The following SGCZ variants were observed in gnomAD, a reference collection of about 807,000 sequenced individuals.
The protein encoded by SGCZ is sarcoglycan zeta.
SGCZ carries 40 observed loss-of-function variants against 41.3 expected under a neutral mutation model. The observed-to-expected ratio is 0.97, with a 90% confidence interval of 0.75 to 1.26. SGCZ has a LOEUF of 1.26. Ranked by LOEUF, SGCZ falls within the 50% of genes most tolerant of loss-of-function variation. The pLI is 0.00. For missense variants in SGCZ, 552 were observed against 369.8 expected (o/e 1.49, Z -4.04); for synonymous variants, 206 against 137.5 (o/e 1.50, Z -3.49).
chr8:15,094,217 C>T (rs1032460802), intron 1 of SGCZ, among the ~76,000 whole-genome samples: 2 of 152,004 alleles, frequency 1.3e-5, no homozygotes, highest in Non-Finnish European at 1.5e-5. Context: ...TCACTGCTAA[C>T]TCTACCTCCC....
intron 2 of SGCZ, among the ~76,000 whole-genome samples, chr8:14,469,475 T>C (rs1801147849): frequency 6.6e-6 from 1 of 152,100 alleles, no homozygotes; most frequent in Non-Finnish European, 1.5e-5. Flanking sequence ...TGTGATTATC[T>C]GATAAATGAT....
intron 1 of SGCZ, among the ~76,000 whole-genome samples, chr8:14,987,581 T>C (rs1341291394): frequency 1.3e-5 from 2 of 151,962 alleles, no homozygotes; most frequent in Non-Finnish European, 2.9e-5. Context: ...ATTAGTATAC[T>C]TTCATCTTCC....
intron 3 of SGCZ, among the ~76,000 whole-genome samples, chr8:14,317,940 T>C (rs141448664): frequency 3.3e-5 from 5 of 150,120 alleles, no homozygotes; most frequent in Non-Finnish European, 7.4e-5. Context: ...CTTTCAAAAA[T>C]AGCAAAAACA....
chr8:14,551,489 T>TTATATATATTATATATATTATATATAA (rs1803824180), intron 2 of SGCZ, among the ~76,000 whole-genome samples: 1 of 6,258 alleles, frequency 1.6e-4, no homozygotes, highest in African/African-American at 4.5e-4. Context: ...ATTATATATA[T>TTATATATATTATATATATTATATATAA]TATATATATT....
intron 1 of SGCZ, among the ~76,000 whole-genome samples, chr8:15,006,312 C>T (rs527893207): frequency 1.4e-4 from 21 of 152,182 alleles, no homozygotes; most frequent in Non-Finnish European, 2.9e-4. Context: ...TAATTCAGAA[C>T]TGTGTCCCCA....
Position 14,085,822 on chromosome 8 carries a change from TTAC to T in SGCZ, c.*4618_*4620del. ...ACTCAGGATCCTCCAAGAAGGATGT[TTAC>T]TACCTCATGTTATAATTATAAGCCC... On this transcript the variant is annotated 3_prime_UTR_variant, in exon 8 of 8. Transcript: ENST00000382080. Among the ~76,000 whole-genome samples the T allele has an allele frequency of 6.6e-6, 1 of 151,914 alleles. No homozygotes were observed. Among genetic ancestry groups the T allele is most frequent in the Non-Finnish European group, 1.5e-5 (1 of 67,798 alleles).
Position 14,536,872 on chromosome 8 carries a change from G to A in SGCZ, c.234+17860C>T, listed in dbSNP as rs547371405. ...ATTTTAATACTTGTTAGTCTTCAGT[G>A]TTGAGCAGAGAAGTGACCTGCTATA... On this transcript the variant is annotated intron_variant, in intron 2 of 7. Transcript: ENST00000382080. Among the ~76,000 whole-genome samples the A allele has an allele frequency of 2.6e-5, 4 of 152,048 alleles. No homozygotes were observed. In the East Asian group the frequency reaches 5.8e-4, roughly 22 times the overall value.
chr8:14,730,698 G>A (rs969795731), intron 1 of SGCZ, among the ~76,000 whole-genome samples: 8 of 151,564 alleles, frequency 5.3e-5, no homozygotes, highest in Non-Finnish European at 8.8e-5. Context: ...CGGGGACTGG[G>A]GCCAACATGT....
intron 1 of SGCZ, among the ~76,000 whole-genome samples, chr8:15,162,728 T>A (rs1275775639): frequency 6.6e-6 from 1 of 152,238 alleles, no homozygotes; most frequent in African/African-American, 2.4e-5. Context: ...TCTATGTTTT[T>A]CTCTCATGAT....
chr8:14,164,292 C>A (rs1472231320), intron 5 of SGCZ, among the ~76,000 whole-genome samples: 1 of 152,034 alleles, frequency 6.6e-6, no homozygotes, highest in Non-Finnish European at 1.5e-5. Flanking sequence ...CCCCTTTACT[C>A]AGAATTTGCA....
chr8:15,085,417 G>A (rs1170915772), intron 1 of SGCZ, among the ~76,000 whole-genome samples: 3 of 152,058 alleles, frequency 2.0e-5, no homozygotes, highest in Non-Finnish European at 4.4e-5. Context: ...TACACGATGG[G>A]TCCATTCATC....
chr8:14,622,144 G>C (rs1459571288), intron 1 of SGCZ, among the ~76,000 whole-genome samples: 3 of 152,124 alleles, frequency 2.0e-5, no homozygotes, highest in Non-Finnish European at 4.4e-5. Flanking sequence ...AGGTTCATGG[G>C]AGAAGCTAGG....
chr8:14,595,570 T>G (rs1452035815), intron 1 of SGCZ, among the ~76,000 whole-genome samples: 8 of 152,058 alleles, frequency 5.3e-5, no homozygotes, highest in Non-Finnish European at 1.2e-4. Context: ...TCCTCAGAAC[T>G]CCTACTAGCA....
At chr8:15,107,682 C>A (rs1391326148) in intron 1 of SGCZ, among the ~76,000 whole-genome samples, 1 of 152,102 alleles carries the variant, frequency 6.6e-6, no homozygotes, top group East Asian at 1.9e-4. Context: ...TTTTAAGTTA[C>A]CCAGCCTCAG....
rs1013587457 is a variant in SGCZ, at chr8:14,296,846, G to A, written c.336+27257C>T. ...ATCAAAATAAAAGATACTAGCCCAA[G>A]CATATCATTAATTACATTATTTGTA... On this transcript the variant is annotated intron_variant, in intron 3 of 7. Coordinates refer to ENST00000382080, the MANE Select transcript of SGCZ (RefSeq NM_139167.4). Among the ~76,000 whole-genome samples, 230 of 152,102 alleles carry A rather than the reference G, an allele frequency of 1.5e-3. 1 individual carries two copies. The highest frequency in any genetic ancestry group is 5.4e-3 in the African/African-American group (225 of 41,516).
Position 14,554,868 on chromosome 8 carries a change from T to G in SGCZ, c.98A>C (p.Asn33Thr), listed in dbSNP as rs1422706137. The change falls in exon 2 of 8, where the codon AAT becomes ACT. Residue 33 changes from asparagine (N) to threonine (T), a missense_variant. Transcript: ENST00000382080. ...AATTCCCACTGGGTAAAGTTGTGCA[T>G]TCTCAGTCCTTGGCAGGTTATTCTG... ...TQQNNLPRTE[N>T]AQLYPVGIYG... 6.2e-7 allele frequency: 1 copy of G among 1,613,260 alleles called. No homozygotes were observed. The highest frequency in any genetic ancestry group is 1.7e-5 in the Admixed American group (1 of 59,892).
At chr8:14,577,912 G>C (rs1419562084) in intron 1 of SGCZ, among the ~76,000 whole-genome samples, 1 of 152,134 alleles carries the variant, frequency 6.6e-6, no homozygotes, top group African/African-American at 2.4e-5. Context: ...AATAAATGAG[G>C]AAATGAACAA....
intron 1 of SGCZ, among the ~76,000 whole-genome samples, chr8:14,890,697 A>G (rs972985439): frequency 6.6e-6 from 1 of 152,224 alleles, no homozygotes; most frequent in Non-Finnish European, 1.5e-5. Context: ...CAGGTTTTCA[A>G]CATAGATGAA....
At chr8:14,587,054 T>G (rs1241490766) in intron 1 of SGCZ, among the ~76,000 whole-genome samples, 1 of 152,034 alleles carries the variant, frequency 6.6e-6, no homozygotes, top group Non-Finnish European at 1.5e-5. Flanking sequence ...AAACTTGGAT[T>G]TTATTATTCA....
Sources: allele counts gnomAD v4.1 joint callset (sites outside exome capture counted in the v4.1 genomes callset), GRCh38; gene constraint gnomAD v4.1.1; transcripts MANE v1.5; gene names NCBI Gene and HGNC (gene_info 2026-07-23, HGNC 2026-07-21).